The following APBB2 variants were observed in gnomAD, a reference collection of about 807,000 sequenced individuals.
The protein encoded by APBB2 is amyloid beta precursor protein binding family B member 2.
In APBB2, 38 loss-of-function variants were observed where a neutral mutation model predicts 82.5. The observed-to-expected ratio is 0.46, with a 90% CI of 0.36 to 0.60. The LOEUF (loss-of-function observed/expected upper bound fraction) is 0.60, where lower values mean the gene tolerates loss of function less well. APBB2 is among the 20% of genes least tolerant of loss of function. The pLI, the probability that APBB2 is intolerant of heterozygous loss-of-function variation, is 0.00. For synonymous variants in APBB2, 341 were observed against 368.2 expected, an observed-to-expected ratio of 0.93 and a Z score of 0.85; for missense variants, 772 against 972.3, an observed-to-expected ratio of 0.79 and a Z score of 2.74.
chr4:41,064,048 G>A (rs574246497), intron 4 of APBB2, among the ~76,000 whole-genome samples: 5 of 134,424 alleles, frequency 3.7e-5, no homozygotes, highest in East Asian at 2.2e-4. Context: ...GCGCGATCTC[G>A]GTTCACTGCA....
At chr4:40,853,502 T>G (rs1760164408) in intron 12 of APBB2, among the ~76,000 whole-genome samples, 1 of 151,480 alleles carries the variant, frequency 6.6e-6, no homozygotes, top group Non-Finnish European at 1.5e-5. Flanking sequence ...CAGGCTGGAG[T>G]GCAATGGCAT....
chr4:40,999,894 G>A (rs1215601149), intron 6 of APBB2, among the ~76,000 whole-genome samples: 2 of 151,708 alleles, frequency 1.3e-5, no homozygotes, highest in Non-Finnish European at 2.9e-5. Context: ...ACTTATTTCT[G>A]GGGCTTAACA....
At chr4:41,108,990 G>C (rs1748218697) in intron 2 of APBB2, among the ~76,000 whole-genome samples, 1 of 152,152 alleles carries the variant, frequency 6.6e-6, no homozygotes, top group African/African-American at 2.4e-5. Context: ...CTTTTTCTCT[G>C]TTATTCCTCA....
chr4:41,002,415 G>C (rs1456411588), intron 6 of APBB2, among the ~76,000 whole-genome samples: 1 of 152,228 alleles, frequency 6.6e-6, no homozygotes, highest in Admixed American at 6.5e-5. Context: ...ATGATTAAAA[G>C]AAGACTGTAG....
intron 1 of APBB2, among the ~76,000 whole-genome samples, chr4:41,183,779 T>C (rs1772093580): frequency 7.1e-6 from 1 of 140,684 alleles, no homozygotes; most frequent in Non-Finnish European, 1.5e-5. Context: ...CCAACCTTTT[T>C]GGCACCAAGA....
At chr4:41,055,493 T>A (rs1727514026) in intron 4 of APBB2, among the ~76,000 whole-genome samples, 1 of 152,162 alleles carries the variant, frequency 6.6e-6, no homozygotes, top group Non-Finnish European at 1.5e-5. Flanking sequence ...TAAGGTTGAC[T>A]TGTCACTGCC....
Position 40,911,654 on chromosome 4 carries a change from A to C in APBB2, c.1255-18243T>G, listed in dbSNP as rs568276282. 1.1e-4 allele frequency among the ~76,000 whole-genome samples: 16 copies of C among 152,228 alleles called. No individual in the cohort carries two copies. In the East Asian group the frequency reaches 2.1e-3, roughly 20 times the overall value. On this transcript the variant is annotated intron_variant, in intron 10 of 17. Coordinates refer to ENST00000508593, the MANE Select transcript of APBB2 (RefSeq NM_004307.2). ...GCCATCATAAGCTGCTGGGGCCTGGAACCTGCAGACTGGAGCCCATATCCA... is the reference window on the plus strand; with the variant it reads ...GCCATCATAAGCTGCTGGGGCCTGGCACCTGCAGACTGGAGCCCATATCCA...
At chr4:41,003,436 G>A (rs1166942623) in intron 6 of APBB2, among the ~76,000 whole-genome samples, 4 of 152,110 alleles carry the variant, frequency 2.6e-5, no homozygotes, top group African/African-American at 7.2e-5. Context: ...ATATACCCAC[G>A]AAAATTCATG....
chr4:40,870,332 AG>A (rs1765138058), intron 12 of APBB2, among the ~76,000 whole-genome samples: 1 of 152,152 alleles, frequency 6.6e-6, no homozygotes, highest in African/African-American at 2.4e-5. Context: ...AGTGCTCACC[AG>A]GGGACAGGGA....
At chr4:40,883,039 A>C (rs1769116666) in intron 12 of APBB2, among the ~76,000 whole-genome samples, 1 of 152,124 alleles carries the variant, frequency 6.6e-6, no homozygotes, top group African/African-American at 2.4e-5. Context: ...ACGGCAACTG[A>C]GGGATGGCAG....
intron 3 of APBB2, among the ~76,000 whole-genome samples, chr4:41,088,399 G>A (rs1267500984): frequency 6.6e-6 from 1 of 152,236 alleles, no homozygotes; most frequent in East Asian, 1.9e-4. Context: ...ATTATATGGG[G>A]AGCTTCTGTA....
At chr4:41,139,212 AT>A (rs1758425735) in intron 2 of APBB2, among the ~76,000 whole-genome samples, 1 of 152,172 alleles carries the variant, frequency 6.6e-6, no homozygotes, top group Non-Finnish European at 1.5e-5. Context: ...CTGGCTCAAC[AT>A]TCAAGTATCA....
chr4:41,113,001 T>C (rs986212530), intron 2 of APBB2, among the ~76,000 whole-genome samples: 17 of 149,864 alleles, frequency 1.1e-4, no homozygotes, highest in African/African-American at 4.2e-4. Context: ...AAAAAAACAA[T>C]GTGGTTTCAT....
chr4:40,842,993 C>A (rs547160362), intron 12 of APBB2, among the ~76,000 whole-genome samples: 1 of 152,244 alleles, frequency 6.6e-6, no homozygotes, highest in African/African-American at 2.4e-5. Context: ...GAGAGGAACA[C>A]AGTGCAAGTC....
At chr4:41,050,439 AG>A (rs1560617792) in intron 4 of APBB2, among the ~76,000 whole-genome samples, 1 of 152,236 alleles carries the variant, frequency 6.6e-6, no homozygotes, top group South Asian at 2.1e-4. Flanking sequence ...TGGTGACTGA[AG>A]TAGGATTCAA....
At chr4:40,904,428 C>CAAAT (rs71198612) in intron 10 of APBB2, among the ~76,000 whole-genome samples, 29,757 of 144,128 alleles carry the variant, frequency 0.21, 3,706 homozygotes, top group Middle Eastern at 0.3. Context: ...GAGACTCCAT[C>CAAAT]AAATAAATAA....
chr4:41,031,259 T>TAAAG (rs1434386471), intron 5 of APBB2, among the ~76,000 whole-genome samples: 1 of 151,734 alleles, frequency 6.6e-6, no homozygotes, highest in Non-Finnish European at 1.5e-5. Flanking sequence ...AATAAATAAA[T>TAAAG]TCTGGCATGT....
chr4:41,158,697 C>T (rs560896501), intron 1 of APBB2, among the ~76,000 whole-genome samples: 1 of 152,330 alleles, frequency 6.6e-6, no homozygotes, highest in Non-Finnish European at 1.5e-5. Flanking sequence ...CTGTATGCTG[C>T]TGCCTGAAAT....
At chr4:41,077,823 T>C (rs1736161652) in intron 3 of APBB2, among the ~76,000 whole-genome samples, 1 of 152,100 alleles carries the variant, frequency 6.6e-6, no homozygotes, top group African/African-American at 2.4e-5. Flanking sequence ...TAAGGACAAA[T>C]TCCAGGTCAA....
Sources: gnomAD v4.1 joint callset for allele counts (sites outside exome capture counted in the v4.1 genomes callset) on GRCh38, gnomAD v4.1.1 for gene constraint, MANE v1.5 for transcripts, NCBI Gene and HGNC (gene_info 2026-07-23, HGNC 2026-07-21) for gene names.